Variants in ADGRG6 observed in about 807,000 individuals in gnomAD.
ADGRG6 encodes the protein G-protein coupled receptor 126.
ADGRG6 carries 84 observed loss-of-function variants against 142.4 expected under a neutral mutation model. That is an observed-to-expected ratio of 0.59 (90% CI 0.49 to 0.71). The LOEUF is 0.71. ADGRG6 is among the 30% of genes least tolerant of loss of function. ADGRG6 has a pLI of 0.00. For missense variants in ADGRG6, 1,367 were observed against 1,466.6 expected, an observed-to-expected ratio of 0.93 and a Z score of 1.11; for synonymous variants, 521 against 520.5, an observed-to-expected ratio of 1.00 and a Z score of -0.01.
chr6:142,375,035 C>T lies in ADGRG6; in HGVS notation c.1069+4242C>T, dbSNP rs146840672. On this transcript the variant is annotated intron_variant, in intron 4 of 24. Coordinates refer to ENST00000367609, the MANE Select transcript of ADGRG6 (RefSeq NM_198569.3). ...TTTCTCCAGTCTAACTGAAATTTTC[C>T]ATCCTTTGACCCATACATTCTCAAC... 2.7e-3 allele frequency among the ~76,000 whole-genome samples: 412 copies of T among 152,148 alleles called. 3 individuals are homozygous for T. Among genetic ancestry groups the T allele is most frequent in the African/African-American group, 9.5e-3 (395 of 41,510 alleles).
intron 12 of ADGRG6, among the ~76,000 whole-genome samples, 166 bp from the exon 13 acceptor site, chr6:142,402,454 A>C (rs1486174896): frequency 2.0e-5 from 3 of 152,144 alleles, no homozygotes; most frequent in African/African-American, 4.8e-5. Flanking sequence ...CTCTGCATAG[A>C]AAGAAATATT....
At chr6:142,419,741 C>A in intron 21 of ADGRG6, 80 bp from the exon 22 acceptor site, 1 of 1,138,044 alleles carries the variant, frequency 8.8e-7, no homozygotes. Context: ...TGCAGTAGCC[C>A]AAACTAAGCT....
Position 142,417,318 on chromosome 6 carries a change from A to G in ADGRG6, c.2984A>G (p.Asn995Ser). ...TCAGTTGTTCTAGCGAGCAGAAACAACAATGAAGTCTATGGAAAAGAAAGT... is the reference window on the plus strand; with the variant it reads ...TCAGTTGTTCTAGCGAGCAGAAACAGCAATGAAGTCTATGGAAAAGAAAGT... The part of the protein sequence containing the change: ...VVSVVLASRN[N>S]NEVYGKESYG... The change falls in exon 21 of 25, where the codon AAC (asparagine) becomes AGC (serine). Residue 995 changes from asparagine to serine, a missense_variant. Coordinates refer to ENST00000367609, the MANE Select transcript of ADGRG6 (RefSeq NM_198569.3). 1 of 1,606,372 alleles carries G rather than the reference A, an allele frequency of 6.2e-7. No homozygotes were observed. Among genetic ancestry groups the G allele is most frequent in the Non-Finnish European group, 8.5e-7 (1 of 1,174,298 alleles).
intron 2 of ADGRG6, among the ~76,000 whole-genome samples, chr6:142,335,182 A>T (rs1274284733): frequency 6.6e-6 from 1 of 152,214 alleles, no homozygotes; most frequent in Non-Finnish European, 1.5e-5. Context: ...AATAGTGTTA[A>T]GTCATGGGGA....
intron 2 of ADGRG6, among the ~76,000 whole-genome samples, chr6:142,366,760 A>G (rs1223510554): frequency 6.6e-6 from 1 of 151,898 alleles, no homozygotes; most frequent in South Asian, 2.1e-4. Context: ...CTCAAAAAAA[A>G]AAAAAAAAGA....
At chr6:142,393,085 A>G (rs1774985542) in intron 8 of ADGRG6, 85 bp downstream of exon 8, 4 of 712,412 alleles carry the variant, frequency 5.6e-6, no homozygotes, top group African/African-American at 3.5e-5. Context: ...ACCAAAATAT[A>G]CATACAAATA....
intron 2 of ADGRG6, among the ~76,000 whole-genome samples, chr6:142,344,920 T>G (rs1297371566): frequency 6.6e-6 from 1 of 151,942 alleles, no homozygotes; most frequent in African/African-American, 2.4e-5. Flanking sequence ...TATTAGGAAA[T>G]AAACTGAGTC....
At chr6:142,401,866 T>C (rs938671425) in intron 11 of ADGRG6, 128 bp from the exon 12 acceptor site, 1 of 551,380 alleles carries the variant, frequency 1.8e-6, no homozygotes, top group Non-Finnish European at 3.3e-6. Context: ...AGAAGCTCAG[T>C]ATCTTAAAGG....
At chr6:142,356,155 T>G (rs1320082985) in intron 2 of ADGRG6, among the ~76,000 whole-genome samples, 2 of 152,178 alleles carry the variant, frequency 1.3e-5, no homozygotes, top group African/African-American at 2.4e-5. Context: ...TCTATTAACT[T>G]TATAAAAGTA....
intron 4 of ADGRG6, among the ~76,000 whole-genome samples, chr6:142,371,114 A>T (rs1417065124): frequency 6.6e-6 from 1 of 152,298 alleles, no homozygotes; most frequent in African/African-American, 2.4e-5. Context: ...GGAATCTCAA[A>T]TACAAATGTT....
At chr6:142,318,242 T>TTATATTATATA (rs1562307590) in intron 2 of ADGRG6, among the ~76,000 whole-genome samples, 5 of 51,522 alleles carry the variant, frequency 9.7e-5, no homozygotes, top group African/African-American at 4.5e-4. Flanking sequence ...TTATATATAT[T>TTATATTATATA]TATATATTAT....
Position 142,333,371 on chromosome 6 carries a change from G to C in ADGRG6, c.103+23727G>C, listed in dbSNP as rs540855972. ...CTGACCCATTGTACTATTTCCCTAA[G>C]AGTTTACATATAACATTAGGATCAC... is the stretch of plus-strand genomic sequence containing the variant. On this transcript the variant is annotated intron_variant, in intron 2 of 24. Transcript: ENST00000367609. 1.5e-4 allele frequency among the ~76,000 whole-genome samples: 23 copies of C among 152,222 alleles called. 1 individual carries two copies. In the South Asian group the frequency reaches 4.2e-3, roughly 27 times the overall value.
chr6:142,415,096 A>T lies in ADGRG6; in HGVS notation c.2669A>T (p.Glu890Val). 2.5e-6 allele frequency: 4 copies of T among 1,608,552 alleles called. No homozygotes were observed. The African/African-American group carries it at 5.4e-5, about 22-fold the overall frequency. Residue 890 changes from glutamate (E) to valine (V), a missense_variant and splice_region_variant, in exon 19 of 25, where the codon GAG (glutamate) becomes GTG (valine). Glu to Val is a moderately radical substitution (Grantham distance 121, BLOSUM62 -2). Around this residue, in one of 3 missense-constraint regions of ADGRG6, gnomAD observed 286 missense variants for 371.4 expected, o/e 0.77. Transcript: ENST00000367609. Reference sequence around the variant, plus strand: ...ACTCTCCTGACATATGTTGCTTTTGAGTAAGTATATTTTTAATCTGCCAAA... The same window carrying T: ...ACTCTCCTGACATATGTTGCTTTTGTGTAAGTATATTTTTAATCTGCCAAA... ...AATLLTYVAFEKLRRDYPSKI... is the reference protein window; with the variant it reads ...AATLLTYVAFVKLRRDYPSKI...
At chr6:142,391,806 T>G (rs1774913627) in intron 7 of ADGRG6, among the ~76,000 whole-genome samples, 1 of 151,752 alleles carries the variant, frequency 6.6e-6, no homozygotes, top group South Asian at 2.1e-4. Context: ...AAAGTTAGAG[T>G]GATTTCAGAA....
In ADGRG6 at chr6:142,438,325, T is replaced by G. The variant is rs548532834; in HGVS notation, c.3535T>G (p.Ser1179Ala). ...NSTYLTSKSK[S>A]SSTTYFKRNS... ...AACCTATCTTACATCCAAATCTAAA[T>G]CCAGCTCTACCACCTATTTCAAAAG... is the stretch of plus-strand genomic sequence containing the variant. Residue 1179 changes from serine to alanine, a missense_variant, in exon 24 of 25, where the codon TCC (serine) becomes GCC (alanine). Transcript: ENST00000367609. 8.7e-6 allele frequency: 14 copies of G among 1,610,362 alleles called. No individual in the cohort carries two copies. Among genetic ancestry groups the G allele is most frequent in the Non-Finnish European group, 1.2e-5 (14 of 1,177,902 alleles).
At position 142,400,763 on chromosome 6, in the gene ADGRG6, G is replaced by A. The variant is rs114697495; in HGVS notation, c.1679+167G>A. 3.8e-3 allele frequency: 2,067 copies of A among 540,734 alleles called. 31 individuals are homozygous for A. The highest frequency in any genetic ancestry group is 0.032 in the African/African-American group (1,685 of 52,646). 33.5% of individuals were successfully genotyped at this position (540,734 alleles called of 1,614,324 possible). On this transcript the variant is annotated intron_variant, in intron 11 of 24. Transcript: ENST00000367609. ...CCTGGGGAATAAAGATAACATAAGT[G>A]GATGACTCAGAAAGGCAGTGTTTTC...
intron 2 of ADGRG6, 58 bp from the exon 3 acceptor site, chr6:142,367,511 T>G: frequency 8.0e-7 from 1 of 1,242,448 alleles, no homozygotes; most frequent in Admixed American, 2.2e-5. Flanking sequence ...TATTCTCGGT[T>G]TATTGCATGC....
chr6:142,353,546 A>C (rs1421497679), intron 2 of ADGRG6, among the ~76,000 whole-genome samples: 1 of 152,186 alleles, frequency 6.6e-6, no homozygotes, highest in African/African-American at 2.4e-5. Flanking sequence ...GGATTACTAT[A>C]TTAATATTAC....
chr6:142,370,916 A>G, intron 4 of ADGRG6, 123 bp downstream of exon 4: 1 of 946,604 alleles, frequency 1.1e-6, no homozygotes, highest in Non-Finnish European at 1.6e-6. Flanking sequence ...ATATAGACAT[A>G]TATATATATG....
Sources: allele counts gnomAD v4.1 joint callset (sites outside exome capture counted in the v4.1 genomes callset), GRCh38; gene constraint gnomAD v4.1.1; regional missense constraint gnomAD v4.1.1; transcripts MANE v1.5; gene names NCBI Gene and HGNC (gene_info 2026-07-23, HGNC 2026-07-21).